WDR36: variants seen among roughly 807,000 people sequenced by gnomAD.
WDR36 encodes the protein WD repeat-containing protein 36.
In WDR36, 63 loss-of-function variants were observed where a neutral mutation model predicts 112.7. The ratio of observed to expected loss-of-function variants is 0.56; its 90% confidence interval spans 0.46 to 0.69. The LOEUF (loss-of-function observed/expected upper bound fraction) is 0.69. Among genes scored for constraint, WDR36 ranks in the 30% least tolerant of loss-of-function variants. WDR36 has a pLI of 0.00. For missense variants in WDR36, 1,226 were observed against 1,070.3 expected (o/e 1.15, Z -2.03); for synonymous variants, 410 against 362.2 (o/e 1.13, Z -1.50).
At position 111,126,880 on chromosome 5, in the gene WDR36, G is replaced by T. The variant is rs981728062; in HGVS notation, c.2685G>T (p.Leu895Phe). The T allele has an allele frequency of 1.3e-6, 2 of 1,596,648 alleles. No homozygotes were observed. Among genetic ancestry groups the T allele is most frequent in the Admixed American group, 3.5e-5 (2 of 57,272 alleles). Residue 895 changes from leucine (L) to phenylalanine (F), a missense_variant, in exon 23 of 23, where the codon TTG becomes TTT. Physicochemically the swap from Leu to Phe is conservative, Grantham distance 22. Coordinates refer to ENST00000513710, the MANE Select transcript of WDR36 (RefSeq NM_139281.3). ...TAAATTATCTCAAAAGTGCTTTGTT[G>T]TAAAAATAAATTTGTGACTAAACAA... is the stretch of plus-strand genomic sequence containing the variant. Reference protein sequence around the residue: ...CILNYLKSALL With the variant: ...CILNYLKSALF
At chr5:111,113,876 A>T (rs914352187) in intron 16 of WDR36, among the ~76,000 whole-genome samples, 4 of 152,092 alleles carry the variant, frequency 2.6e-5, no homozygotes, top group African/African-American at 9.7e-5. Context: ...ATAATCCCTT[A>T]ATCCATGAAT....
chr5:111,108,525 C>T (rs560602610), intron 12 of WDR36, among the ~76,000 whole-genome samples: 6 of 150,598 alleles, frequency 4.0e-5, no homozygotes, highest in Admixed American at 2.6e-4. Flanking sequence ...TTTTCTAAAC[C>T]GTAAAGATTC....
chr5:111,113,044 ATATATATATTTTTTTT>A lies in WDR36; in HGVS notation c.1717-28_1717-13del. 4.9e-6 allele frequency: 2 copies of A among 406,616 alleles called. No individual in the cohort carries two copies. Among genetic ancestry groups the A allele is most frequent in the Non-Finnish European group, 7.1e-6 (2 of 281,180 alleles). 25.2% of individuals were successfully genotyped at this position (406,616 alleles called of 1,614,324 possible). On this transcript the variant is annotated splice_polypyrimidine_tract_variant and intron_variant, in intron 15 of 22. Coordinates refer to ENST00000513710, the MANE Select transcript of WDR36 (RefSeq NM_139281.3). ...ATATTTATATATAAATAATATATAT[ATATATATATTTTTTTT>A]TTTTAATTTAAAGGCTTTTAGTCCT...
rs759796856 is a variant in WDR36, at chr5:111,092,463, C to T, written c.7C>T (p.Arg3Trp). The T allele has an allele frequency of 1.5e-5, 24 of 1,614,090 alleles. No individual in the cohort carries two copies. The highest frequency in any genetic ancestry group is 6.7e-5 in the African/African-American group (5 of 74,942). Residue 3 changes from arginine (R) to tryptophan (W), a missense_variant, in exon 1 of 23, where the codon CGG (arginine) becomes TGG (tryptophan). Coordinates refer to ENST00000513710, the MANE Select transcript of WDR36 (RefSeq NM_139281.3). ME[R>W]ASERRTASAL... The stretch of plus-strand genomic sequence containing the variant: ...AGCTGGGATCGCGGCGGCAATGGAA[C>T]GGGCCTCAGAAAGGCGCACGGCCAG...
Position 111,110,182 on chromosome 5 carries a change from C to T in WDR36, c.1327-7C>T. The T allele has an allele frequency of 1.2e-6, 2 of 1,601,690 alleles. No individual in the cohort carries two copies. The highest frequency in any genetic ancestry group is 2.2e-5 in the East Asian group (1 of 44,658). On this transcript the variant is annotated splice_polypyrimidine_tract_variant and splice_region_variant and intron_variant, in intron 12 of 22. Transcript: ENST00000513710. ...ATTTTGTCATTTGTGGGTTTTTTTT[C>T]TTAAAGGCAGTGGATATAACTTCTT... is the stretch of plus-strand genomic sequence containing the variant.
chr5:111,098,519 T>C lies in WDR36; in HGVS notation c.292-203T>C, dbSNP rs138595035. Among the ~76,000 whole-genome samples the C allele has an allele frequency of 2.4e-3, 372 of 152,292 alleles. 1 individual carries two copies. The highest frequency in any genetic ancestry group is 8.6e-3 in the African/African-American group (359 of 41,560). The stretch of plus-strand genomic sequence containing the variant: ...GTTCTTAATGGACAGTTTACTTCCT[T>C]ATTGTTGAACTGGCTGAGGGAGCAG... On this transcript the variant is annotated intron_variant, in intron 3 of 22. Coordinates refer to ENST00000513710, the MANE Select transcript of WDR36 (RefSeq NM_139281.3).
At chr5:111,100,850 T>G in intron 5 of WDR36, 129 bp downstream of exon 5, 1 of 907,300 alleles carries the variant, frequency 1.1e-6, no homozygotes, top group Non-Finnish European at 1.6e-6. Flanking sequence ...TAAATAACAG[T>G]TGGTCCCCTG....
chr5:111,112,267 G>C (rs1343270170), intron 15 of WDR36, among the ~76,000 whole-genome samples: 1 of 151,744 alleles, frequency 6.6e-6, no homozygotes, highest in Non-Finnish European at 1.5e-5. Flanking sequence ...AAGTTATTCC[G>C]GTTAGTCAAA....
At chr5:111,096,101 G>T (rs764288565) in intron 2 of WDR36, among the ~76,000 whole-genome samples, 1 of 152,180 alleles carries the variant, frequency 6.6e-6, no homozygotes, top group Admixed American at 6.5e-5. Flanking sequence ...TATGGAATTT[G>T]CAGCATGAAA....
rs1753758426 is a variant in WDR36, at chr5:111,129,970, A to T, written c.*3087A>T. On this transcript the variant is annotated 3_prime_UTR_variant, in exon 23 of 23. Transcript: ENST00000513710. ...TATGTCTGATTTGAAATGCTGTTTC[A>T]TTATGTGTTAAATTCTTTCACTGAG... 1 of 210,870 alleles carries T rather than the reference A, an allele frequency of 4.7e-6. No individual in the cohort carries two copies. Among genetic ancestry groups the T allele is most frequent in the East Asian group, 7.2e-5 (1 of 13,986 alleles). The allele number at this position is 210,870 out of a possible 1,614,324, so 13.1% of individuals were successfully genotyped here.
chr5:111,109,340 A>G (rs1041156320), intron 12 of WDR36, among the ~76,000 whole-genome samples: 1 of 151,440 alleles, frequency 6.6e-6, no homozygotes, highest in Admixed American at 6.6e-5. Context: ...TTTTTTTAAA[A>G]GAAATCTTTA....
At chr5:111,106,539 T>C (rs1175154515) in intron 11 of WDR36, among the ~76,000 whole-genome samples, 1 of 151,460 alleles carries the variant, frequency 6.6e-6, no homozygotes, top group African/African-American at 2.4e-5. Context: ...CCTGTGCCAC[T>C]TTCAAAGAAG....
At position 111,124,110 on chromosome 5, in the gene WDR36, T is replaced by G; in HGVS notation, c.2271T>G (p.Ser757=). Residue 757 remains serine (S), a splice_region_variant and synonymous_variant, in exon 21 of 23, where the codon TCT becomes TCG. Coordinates refer to ENST00000513710, the MANE Select transcript of WDR36 (RefSeq NM_139281.3). ...APEQNNDPQQ[S]KVVNLGVLAQ... ...ATGTGTATTTGTTTTTGTTTAAGTC[T>G]AAAGTGGTAAATCTTGGAGTTTTGG... The G allele has an allele frequency of 6.2e-7, 1 of 1,612,982 alleles. No individual in the cohort carries two copies.
At chr5:111,096,830 A>G (rs1034923831) in intron 2 of WDR36, among the ~76,000 whole-genome samples, 4 of 152,164 alleles carry the variant, frequency 2.6e-5, no homozygotes, top group African/African-American at 9.6e-5. Flanking sequence ...CTCTAGGATT[A>G]TGTTTTTATT....
At chr5:111,102,216 G>C (rs990778076) in intron 5 of WDR36, 129 bp from the exon 6 acceptor site, 57 of 723,536 alleles carry the variant, frequency 7.9e-5, no homozygotes, top group Non-Finnish European at 1.2e-4. Flanking sequence ...TTAATCATCA[G>C]AATAGTGTGT....
intron 17 of WDR36, among the ~76,000 whole-genome samples, chr5:111,119,676 C>T (rs1753525747): frequency 6.6e-6 from 1 of 151,880 alleles, no homozygotes; most frequent in African/African-American, 2.4e-5. Flanking sequence ...TCTTTCCTAA[C>T]TTTATATCTG....
chr5:111,092,653 C>A, intron 1 of WDR36, 35 bp downstream of exon 1: 1 of 1,595,702 alleles, frequency 6.3e-7, no homozygotes, highest in South Asian at 1.1e-5. Context: ...CCCAGGAAAA[C>A]CACCCTCCTT....
chr5:111,123,370 A>G lies in WDR36; in HGVS notation c.2149-435A>G, dbSNP rs547446910. Among the ~76,000 whole-genome samples, 5 of 152,318 alleles carry G rather than the reference A, an allele frequency of 3.3e-5. No homozygotes were observed. In the South Asian group the frequency reaches 8.3e-4, roughly 25 times the overall value. On this transcript the variant is annotated intron_variant, in intron 19 of 22. Coordinates refer to ENST00000513710, the MANE Select transcript of WDR36 (RefSeq NM_139281.3). ...TAATGTCAGTCTGCTTCTGGCTCCA[A>G]AGTTCCTTTGGAGAAAAGTAATTTA...
rs1293116182 is a variant in WDR36 at position 111,130,031 on chromosome 5, G to C, written c.*3148G>C. 2 of 212,382 alleles carry C rather than the reference G, an allele frequency of 9.4e-6. No individual in the cohort carries two copies. The highest frequency in any genetic ancestry group is 1.9e-5 in the Non-Finnish European group (2 of 105,034). The allele number at this position is 212,382 out of a possible 1,614,324, so 13.2% of individuals were successfully genotyped here. A position where few individuals can be genotyped will look rare whatever the true frequency, so the allele number is the denominator to read the frequency against. ...TTCCTAGTAAATGATGCATTACTTT[G>C]GTATGTTCTCAGATTTGGGTAAAGC... On this transcript the variant is annotated 3_prime_UTR_variant, in exon 23 of 23. Coordinates refer to ENST00000513710, the MANE Select transcript of WDR36 (RefSeq NM_139281.3).
Sources: allele counts gnomAD v4.1 joint callset (sites outside exome capture counted in the v4.1 genomes callset), GRCh38; gene constraint gnomAD v4.1.1; transcripts MANE v1.5; gene names NCBI Gene and HGNC (gene_info 2026-07-23, HGNC 2026-07-21).